Variants in IFIH1 observed in about 807,000 individuals in gnomAD.
IFIH1 encodes the protein interferon-induced helicase C domain-containing protein 1.
In IFIH1, 125 loss-of-function variants were observed where a neutral mutation model predicts 107.4. The observed-to-expected ratio is 1.16, with a 90% confidence interval of 1.01 to 1.35. The LOEUF (loss-of-function observed/expected upper bound fraction) is 1.35, where lower values mean the gene tolerates loss of function less well. IFIH1 is among the 40% of genes most tolerant of loss of function. The pLI is 0.00. For missense variants in IFIH1, 1,333 were observed against 1,213.7 expected (o/e 1.10, Z -1.46); for synonymous variants, 458 against 413.2 (o/e 1.11, Z -1.31).
intron 5 of IFIH1, among the ~76,000 whole-genome samples, chr2:162,287,736 A>G (rs1349972166): frequency 6.6e-6 from 1 of 151,924 alleles, no homozygotes; most frequent in Non-Finnish European, 1.5e-5. Context: ...ACAATATTTG[A>G]TCCTTGATTC....
Position 162,276,889 on chromosome 2 carries a change from A to G in IFIH1, c.2102T>C (p.Leu701Pro). 1 of 1,612,444 alleles carries G rather than the reference A, an allele frequency of 6.2e-7. No homozygotes were observed. Among genetic ancestry groups the G allele is most frequent in the Non-Finnish European group, 8.5e-7 (1 of 1,179,504 alleles). ...CATTATGGTATTTCTTAATTTGGTC[A>G]GCTTTTCATTTTCATATTCTGGGTT... ...AENPEYENEK[L>P]TKLRNTIMEQ... The change falls in exon 11 of 16, where the codon CTG (leucine) becomes CCG (proline). Residue 701 changes from leucine (L) to proline (P), a missense_variant. Physicochemically the swap from Leu to Pro is moderately conservative, Grantham distance 98 (BLOSUM62 -3). Transcript: ENST00000649979.
chr2:162,292,140 C>T (rs1176084028), intron 4 of IFIH1, among the ~76,000 whole-genome samples: 1 of 151,638 alleles, frequency 6.6e-6, no homozygotes, highest in Non-Finnish European at 1.5e-5. Context: ...TTGAAAAGCC[C>T]TTACTTAGAC....
rs764380346 is a variant in IFIH1 at position 162,317,991 on chromosome 2, G to A, written c.317C>T (p.Ser106Leu). The A allele has an allele frequency of 1.1e-5, 17 of 1,614,056 alleles. No homozygotes were observed. Among genetic ancestry groups the A allele is most frequent in the Admixed American group, 5.0e-5 (3 of 60,012 alleles). The change falls in exon 1 of 16, where the codon TCG becomes TTG. Residue 106 changes from serine (S) to leucine (L), a missense_variant. Ser to Leu is a moderately radical substitution (Grantham distance 145, BLOSUM62 -2). Coordinates refer to ENST00000649979, the MANE Select transcript of IFIH1 (RefSeq NM_022168.4). ...ATATTCATCATGAGCGTTCTCAAAC[G>A]ATGGAGAGGGCAAGTCCGTGAGCTC... ...NPELTDLPSP[S>L]FENAHDEYLQ...
intron 4 of IFIH1, among the ~76,000 whole-genome samples, chr2:162,292,332 A>G (rs879138643): frequency 1.3e-5 from 2 of 151,926 alleles, no homozygotes; most frequent in Admixed American, 6.6e-5. Context: ...GCACATGGCA[A>G]GAACTCAATA....
intron 3 of IFIH1, among the ~76,000 whole-genome samples, chr2:162,306,431 G>GTTTATATTATA (rs1683281275): frequency 6.6e-6 from 1 of 152,066 alleles, no homozygotes; most frequent in Admixed American, 6.6e-5. Context: ...GAAATATAAG[G>GTTTATATTATA]CATTCTTATA....
intron 2 of IFIH1, 58 bp from the exon 3 acceptor site, chr2:162,306,913 T>C (rs1446296286): frequency 2.8e-6 from 4 of 1,450,226 alleles, no homozygotes; most frequent in Non-Finnish European, 3.8e-6. Context: ...TTGTAGAGCA[T>C]ACATAACTGT....
chr2:162,314,416 T>TTTCTTTCC lies in IFIH1; in HGVS notation c.453+3438_453+3439insGGAAAGAA, dbSNP rs71009355. Among the ~76,000 whole-genome samples, 102 of 51,468 alleles carry TTTCTTTCC rather than the reference T, an allele frequency of 2.0e-3. 6 individuals are homozygous for TTTCTTTCC. The highest frequency in any genetic ancestry group is 9.5e-3 in the East Asian group (12 of 1,264). The allele number at this position is 51,468 out of a possible 152,430, so 33.8% of individuals were successfully genotyped here. A position where few individuals can be genotyped will look rare whatever the true frequency, so the allele number is the denominator to read the frequency against. ...CCTCCCTCCTTTCTTTCTTTCTTTCTTTTCTTTCTTTCTTTCTTTCTTTCT... is the reference window on the plus strand; with the variant it reads ...CCTCCCTCCTTTCTTTCTTTCTTTCTTTCTTTCCTTTCTTTCTTTCTTTCTTTCTTTCT... On this transcript the variant is annotated intron_variant, in intron 1 of 15. Transcript: ENST00000649979.
intron 4 of IFIH1, among the ~76,000 whole-genome samples, chr2:162,293,082 A>T: frequency 6.6e-6 from 1 of 151,854 alleles, no homozygotes; most frequent in Non-Finnish European, 1.5e-5. Context: ...TATTTTGCCA[A>T]CTCTACTCCT....
chr2:162,307,282 G>A (rs1225321781), intron 2 of IFIH1: 1 of 153,088 alleles, frequency 6.5e-6, no homozygotes, highest in Non-Finnish European at 1.5e-5. Context: ...TGACCGTCAT[G>A]TTTAGGAAGT....
intron 4 of IFIH1, among the ~76,000 whole-genome samples, chr2:162,290,701 T>C (rs985821546): frequency 2.6e-5 from 4 of 151,942 alleles, no homozygotes; most frequent in Non-Finnish European, 2.9e-5. Flanking sequence ...TAATCTTCCA[T>C]ATTTTTGATT....
intron 13 of IFIH1, among the ~76,000 whole-genome samples, chr2:162,269,729 T>C (rs1003008573): frequency 5.3e-5 from 8 of 152,200 alleles, no homozygotes; most frequent in African/African-American, 1.9e-4. Context: ...AAGTCATCAG[T>C]GCAGTTGAAC....
chr2:162,277,413 A>G lies in IFIH1; in HGVS notation c.2044+2T>C, dbSNP rs201026962. ...ACCAGTATATGTTACTTTGAATCTTACCAAAAAATAAAGTCATGAGAAATC... is the reference window on the plus strand; with the variant it reads ...ACCAGTATATGTTACTTTGAATCTTGCCAAAAAATAAAGTCATGAGAAATC... On this transcript the variant is annotated splice_donor_variant, in intron 10 of 15. Transcript: ENST00000649979. LOFTEE classifies it high-confidence loss of function. 224 of 1,602,146 alleles carry G rather than the reference A, an allele frequency of 1.4e-4. No individual in the cohort carries two copies. Among genetic ancestry groups the G allele is most frequent in the Non-Finnish European group, 1.9e-4 (220 of 1,171,006 alleles).
chr2:162,318,284 G>C lies in IFIH1; in HGVS notation c.24C>G (p.Asp8Glu). Reference sequence around the variant, plus strand: ...ACGAGATGAGATAGCGGAAATTCTCGTCTGTGGAATACCCATTCGACATCT... The same window carrying C: ...ACGAGATGAGATAGCGGAAATTCTCCTCTGTGGAATACCCATTCGACATCT... MSNGYST[D>E]ENFRYLISCF... The change falls in exon 1 of 16, where the codon GAC becomes GAG. Residue 8 changes from aspartate (D) to glutamate (E), a missense_variant. Physicochemically the swap from Asp to Glu is conservative, Grantham distance 45. Transcript: ENST00000649979. 1.2e-6 allele frequency: 2 copies of C among 1,613,708 alleles called. No homozygotes were observed. The highest frequency in any genetic ancestry group is 1.7e-6 in the Non-Finnish European group (2 of 1,179,756).
At chr2:162,278,176 AC>A in intron 9 of IFIH1, 28 bp downstream of exon 9, 1 of 1,583,226 alleles carries the variant, frequency 6.3e-7, no homozygotes, top group Non-Finnish European at 8.6e-7. Context: ...CATGGGATAA[AC>A]TAAGTGTTAG....
Position 162,310,778 on chromosome 2 carries a change from T to C in IFIH1, c.609A>G (p.Ser203=). The C allele has an allele frequency of 6.2e-7, 1 of 1,613,594 alleles. No individual in the cohort carries two copies. The highest frequency in any genetic ancestry group is 8.5e-7 in the Non-Finnish European group (1 of 1,179,644). The change falls in exon 2 of 16, where the codon TCA becomes TCG. Residue 203 remains serine, a synonymous_variant. Transcript: ENST00000649979. ...LVQELTGSDC[S]ESNAEIENLS... ...AATTACAAATACCTGCATTGCTTTC[T>C]GAGCAATCAGAGCCTGTTAACTCTT...
At chr2:162,275,224 C>A (rs1576223424) in intron 11 of IFIH1, among the ~76,000 whole-genome samples, 1 of 152,108 alleles carries the variant, frequency 6.6e-6, no homozygotes, top group African/African-American at 2.4e-5. Context: ...TATTTTGGCA[C>A]ACAGCCCCTT....
At position 162,314,398 on chromosome 2, in the gene IFIH1, C is replaced by CTTTCTTTCTTTCTTT. The variant is rs1553461355; in HGVS notation, c.453+3456_453+3457insAAAGAAAGAAAGAAA. On this transcript the variant is annotated intron_variant, in intron 1 of 15. Transcript: ENST00000649979. Reference sequence around the variant, plus strand: ...TCCCTCCCTCCCTCCCTCCCTCCCTCCTTTCTTTCTTTCTTTCTTTTCTTT... The same window carrying CTTTCTTTCTTTCTTT: ...TCCCTCCCTCCCTCCCTCCCTCCCTCTTTCTTTCTTTCTTTCTTTCTTTCTTTCTTTCTTTTCTTT... Among the ~76,000 whole-genome samples, 29 of 67,024 alleles carry CTTTCTTTCTTTCTTT rather than the reference C, an allele frequency of 4.3e-4. 4 individuals carry two copies. The highest frequency in any genetic ancestry group is 2.1e-3 in the African/African-American group (25 of 12,120). 44.0% of individuals were successfully genotyped at this position (67,024 alleles called of 152,430 possible).
intron 3 of IFIH1, among the ~76,000 whole-genome samples, chr2:162,299,755 G>T (rs1281781370): frequency 1.3e-5 from 2 of 152,266 alleles, no homozygotes; most frequent in African/African-American, 4.8e-5. Context: ...GTGAGAAAAA[G>T]CATTGTAAAA....
chr2:162,305,078 A>C (rs974419654), intron 3 of IFIH1, among the ~76,000 whole-genome samples: 2 of 152,200 alleles, frequency 1.3e-5, no homozygotes, highest in Admixed American at 1.3e-4. Context: ...AGTCATTAAA[A>C]ACCAGGCTGT....
Sources: gnomAD v4.1 joint callset for allele counts (sites outside exome capture counted in the v4.1 genomes callset) on GRCh38, gnomAD v4.1.1 for gene constraint, MANE v1.5 for transcripts, NCBI Gene and HGNC (gene_info 2026-07-23, HGNC 2026-07-21) for gene names.